SVIL: variants seen among roughly 807,000 people sequenced by gnomAD.
SVIL encodes the protein archvillin.
In SVIL, 101 loss-of-function variants were observed where a neutral mutation model predicts 240.4. That is an observed-to-expected ratio of 0.42 (90% confidence interval 0.36 to 0.50). The LOEUF is 0.50. SVIL is among the 20% of genes least tolerant of loss of function. The probability of loss-of-function intolerance (pLI) is 0.01; values close to 1 mark genes in which losing one functional copy is unlikely to be tolerated. For synonymous variants in SVIL, 999 were observed against 1,100.0 expected (o/e 0.91, Z 1.82); for missense variants, 2,512 against 2,818.7 (o/e 0.89, Z 2.46).
intron 1 of SVIL, among the ~76,000 whole-genome samples, chr10:29,732,551 G>A (rs893414458): frequency 1.3e-5 from 2 of 152,094 alleles, no homozygotes; most frequent in Non-Finnish European, 2.9e-5. Context: ...ACTGACCTAT[G>A]CTTCATGCTG....
intron 6 of SVIL, among the ~76,000 whole-genome samples, chr10:29,549,208 G>A (rs1273091536): frequency 6.9e-6 from 1 of 145,292 alleles, no homozygotes; most frequent in African/African-American, 2.6e-5. Context: ...AAAAGTGGGT[G>A]AAGGACATGA....
At chr10:29,560,689 GAC>G (rs1319575146) in intron 3 of SVIL, among the ~76,000 whole-genome samples, 1 of 151,962 alleles carries the variant, frequency 6.6e-6, no homozygotes, top group African/African-American at 2.4e-5. Flanking sequence ...GCTAAGAGCT[GAC>G]ACACAAAATC....
At chr10:29,507,648 A>G (rs547834627) in intron 17 of SVIL, 5 of 588,364 alleles carry the variant, frequency 8.5e-6, no homozygotes, top group Non-Finnish European at 1.1e-5. Flanking sequence ...AAATGCACCA[A>G]ATAAGTTATT....
intron 1 of SVIL, among the ~76,000 whole-genome samples, chr10:29,622,228 CG>C (rs1373353222): frequency 1.8e-5 from 2 of 111,512 alleles, no homozygotes; most frequent in Non-Finnish European, 3.3e-5. Flanking sequence ...CCAGCCTGGG[CG>C]ACAGAGTGAG....
At chr10:29,507,850 A>G in intron 17 of SVIL, 1 of 928,934 alleles carries the variant, frequency 1.1e-6, no homozygotes, top group Non-Finnish European at 1.3e-6. Context: ...AGGTGAAAAG[A>G]GAAGATTTAT....
chr10:29,596,986 G>C (rs1589351907), intron 1 of SVIL, among the ~76,000 whole-genome samples: 1 of 152,192 alleles, frequency 6.6e-6, no homozygotes, highest in South Asian at 2.1e-4. Context: ...GGCAGGGCAG[G>C]AGAGGGCTCT....
intron 17 of SVIL, among the ~76,000 whole-genome samples, chr10:29,506,348 C>G (rs1454189197): frequency 6.7e-6 from 1 of 149,604 alleles, no homozygotes; most frequent in East Asian, 1.9e-4. Flanking sequence ...TGGGCTCTTA[C>G]AACCAGCATT....
intron 2 of SVIL, among the ~76,000 whole-genome samples, chr10:29,566,444 A>C (rs1179804249): frequency 6.6e-6 from 1 of 152,210 alleles, no homozygotes; most frequent in Non-Finnish European, 1.5e-5. Flanking sequence ...AGGAGCAGGC[A>C]GACTGGGCTG....
chr10:29,608,236 G>C (rs762032167), intron 1 of SVIL, among the ~76,000 whole-genome samples: 12 of 152,244 alleles, frequency 7.9e-5, no homozygotes, highest in Non-Finnish European at 1.3e-4. Context: ...GGCAGTGGAA[G>C]TGGGGTTGGC....
intron 21 of SVIL, 66 bp from the exon 22 acceptor site, chr10:29,491,085 C>G: frequency 2.0e-6 from 3 of 1,491,774 alleles, no homozygotes; most frequent in Non-Finnish European, 2.7e-6. Context: ...ACCTGGGGGT[C>G]TTGGACTCCA....
intron 34 of SVIL, 33 bp downstream of exon 34, chr10:29,465,562 C>G: frequency 1.3e-6 from 2 of 1,561,058 alleles, no homozygotes; most frequent in Non-Finnish European, 8.6e-7. Flanking sequence ...GTGCCTTCTA[C>G]TGCTCAGCAT....
intron 17 of SVIL, among the ~76,000 whole-genome samples, chr10:29,507,548 TAC>T (rs1215711979): frequency 6.7e-6 from 1 of 148,300 alleles, no homozygotes; most frequent in Non-Finnish European, 1.5e-5. Context: ...TTCTCACAGA[TAC>T]ACACTCATAG....
intron 2 of SVIL, among the ~76,000 whole-genome samples, chr10:29,676,530 A>C (rs150385175): frequency 6.6e-6 from 1 of 152,182 alleles, no homozygotes; most frequent in South Asian, 2.1e-4. Flanking sequence ...AAAGTAAAAC[A>C]TGTTTCTGGA....
Position 29,584,312 on chromosome 10 carries a change from C to A in SVIL, c.-200-15000G>T, listed in dbSNP as rs562092016. Among the ~76,000 whole-genome samples, 1,389 of 152,224 alleles carry A rather than the reference C, an allele frequency of 9.1e-3. 10 individuals are homozygous for A. The highest frequency in any genetic ancestry group is 0.027 in the African/African-American group (1,124 of 41,518). Reference sequence around the variant, plus strand: ...CCCTGAGAATGGCCCTGTATGGCAGCGGCACCTGCATGGGGTTCAGGGTTC... The same window carrying A: ...CCCTGAGAATGGCCCTGTATGGCAGAGGCACCTGCATGGGGTTCAGGGTTC... On this transcript the variant is annotated intron_variant, in intron 1 of 37. Coordinates refer to ENST00000355867, the MANE Select transcript of SVIL (RefSeq NM_021738.3).
chr10:29,725,273 C>G (rs1161811049), intron 1 of SVIL, among the ~76,000 whole-genome samples: 1 of 152,014 alleles, frequency 6.6e-6, no homozygotes, highest in Non-Finnish European at 1.5e-5. Context: ...TCAAGGGTTC[C>G]TTTTGGAAAA....
chr10:29,700,064 G>T (rs577664623), intron 1 of SVIL, among the ~76,000 whole-genome samples: 2 of 152,194 alleles, frequency 1.3e-5, no homozygotes, highest in Admixed American at 1.3e-4. Context: ...ACACTAGAGA[G>T]TAAAAACATA....
At chr10:29,718,875 C>A (rs1039950072) in intron 1 of SVIL, among the ~76,000 whole-genome samples, 1 of 152,058 alleles carries the variant, frequency 6.6e-6, no homozygotes. Flanking sequence ...TTTGGGAGGC[C>A]GAGGTGGGCA....
intron 32 of SVIL, among the ~76,000 whole-genome samples, chr10:29,469,590 A>G (rs1588838100): frequency 6.6e-6 from 1 of 152,068 alleles, no homozygotes. Flanking sequence ...AGACCACCTT[A>G]CCGGGGGGGC....
Position 29,673,039 on chromosome 10 carries a change from G to T in SVIL, c.-301+13514C>A, listed in dbSNP as rs557229746. 2.6e-5 allele frequency among the ~76,000 whole-genome samples: 4 copies of T among 152,050 alleles called. No individual in the cohort carries two copies. The East Asian group carries it at 7.7e-4, about 29-fold the overall frequency. On this transcript the variant is annotated intron_variant, in intron 2 of 35. Transcript: ENST00000375400. ...AGCAATTCTCCTGCCTCAGCCTCCC[G>T]AGTAGCTGGGATTACAGGCACCCAC...
Sources: gnomAD v4.1 joint callset for allele counts (sites outside exome capture counted in the v4.1 genomes callset) on GRCh38, gnomAD v4.1.1 for gene constraint, MANE v1.5 for transcripts, NCBI Gene and HGNC (gene_info 2026-07-23, HGNC 2026-07-21) for gene names.